Variants in ADAMTS12 observed in about 807,000 individuals in gnomAD.
The protein encoded by ADAMTS12 is ADAM metallopeptidase with thrombospondin type 1 motif 12, also known as A disintegrin and metalloproteinase with thrombospondin motifs 12.
Under a neutral mutation model 167.8 loss-of-function variants are expected in ADAMTS12, and 118 were observed. The observed-to-expected ratio is 0.70, with a 90% CI of 0.61 to 0.82. The LOEUF (loss-of-function observed/expected upper bound fraction) is 0.82. ADAMTS12 is among the 40% of genes least tolerant of loss of function. ADAMTS12 has a pLI of 0.00. For synonymous variants in ADAMTS12, 704 were observed against 716.9 expected, an observed-to-expected ratio of 0.98 and a Z score of 0.29; for missense variants, 1,916 against 1,998.8, an observed-to-expected ratio of 0.96 and a Z score of 0.79.
chr5:33,689,652 C>A (rs1742479970), intron 3 of ADAMTS12, among the ~76,000 whole-genome samples: 1 of 151,934 alleles, frequency 6.6e-6, no homozygotes, highest in African/African-American at 2.4e-5. Flanking sequence ...AGAGATGGTA[C>A]CAGGAAAAAA....
intron 2 of ADAMTS12, among the ~76,000 whole-genome samples, chr5:33,808,725 G>A (rs1747333214): frequency 6.6e-6 from 1 of 152,086 alleles, no homozygotes; most frequent in Admixed American, 6.6e-5. Context: ...TTTCTTATTA[G>A]GTCAGGGTCA....
chr5:33,774,309 A>G (rs4866385), intron 2 of ADAMTS12, among the ~76,000 whole-genome samples: 110,797 of 152,044 alleles, frequency 0.73, 40,748 homozygotes, highest in Non-Finnish European at 0.78. Context: ...TGAGGGTCCC[A>G]GGAAAGGATC....
At chr5:33,644,973 GC>G (rs1740605909) in intron 9 of ADAMTS12, among the ~76,000 whole-genome samples, 2 of 151,916 alleles carry the variant, frequency 1.3e-5, no homozygotes, top group Admixed American at 1.3e-4. Flanking sequence ...CTCGTGATCT[GC>G]CCACCTTGGC....
In ADAMTS12 at chr5:33,683,048, C is replaced by T; in HGVS notation, c.885G>A (p.Val295=). ...PSIGNAIHIV[V]VRLILLEEEE... ...CTTCTTCGAGTAGAATGAGCCGAAC[C>T]ACAACAATGTGAATTGCATTGCCAA... Residue 295 remains valine (V), a synonymous_variant, in exon 5 of 24, where the codon GTG becomes GTA. Coordinates refer to ENST00000504830, the MANE Select transcript of ADAMTS12 (RefSeq NM_030955.4). The T allele has an allele frequency of 6.2e-7, 1 of 1,613,154 alleles. No homozygotes were observed.
chr5:33,855,429 A>C (rs1270436696), intron 2 of ADAMTS12, among the ~76,000 whole-genome samples: 1 of 152,278 alleles, frequency 6.6e-6, no homozygotes, highest in Non-Finnish European at 1.5e-5. Context: ...CTTGCTGGTT[A>C]GAAGCTGGAA....
intron 3 of ADAMTS12, among the ~76,000 whole-genome samples, chr5:33,690,646 C>G (rs190822904): frequency 4.9e-4 from 74 of 152,174 alleles, no homozygotes; most frequent in African/African-American, 1.7e-3. Context: ...TTTGAAGATC[C>G]TTCCAGAGAG....
intron 2 of ADAMTS12, among the ~76,000 whole-genome samples, chr5:33,832,889 G>A (rs1417059966): frequency 6.6e-6 from 1 of 152,026 alleles, no homozygotes. Flanking sequence ...GAAATCAAAT[G>A]GCCTGAAATC....
chr5:33,532,880 T>A (rs545831353), intron 23 of ADAMTS12, among the ~76,000 whole-genome samples: 1 of 152,318 alleles, frequency 6.6e-6, no homozygotes, highest in Non-Finnish European at 1.5e-5. Context: ...GAATGAATAT[T>A]TTCAAAGAAT....
intron 2 of ADAMTS12, among the ~76,000 whole-genome samples, chr5:33,832,909 A>G (rs1579975144): frequency 6.6e-6 from 1 of 151,966 alleles, no homozygotes; most frequent in Admixed American, 6.5e-5. Flanking sequence ...CAAAAAGTGA[A>G]GGGGAAAAAA....
At chr5:33,646,794 T>C (rs538515615) in intron 9 of ADAMTS12, among the ~76,000 whole-genome samples, 2 of 152,180 alleles carry the variant, frequency 1.3e-5, no homozygotes, top group Non-Finnish European at 2.9e-5. Context: ...CTGAAATTAC[T>C]CAGTATAAAT....
intron 16 of ADAMTS12, among the ~76,000 whole-genome samples, chr5:33,602,960 A>G (rs1179770197): frequency 1.3e-5 from 2 of 152,202 alleles, no homozygotes; most frequent in African/African-American, 2.4e-5. Flanking sequence ...TTTTTGAACA[A>G]AGGGAGAATG....
Position 33,833,095 on chromosome 5 carries a change from A to AT in ADAMTS12, c.489+48023dup, listed in dbSNP as rs150443514. Among the ~76,000 whole-genome samples, 53 of 152,260 alleles carry AT rather than the reference A, an allele frequency of 3.5e-4. No homozygotes were observed. The East Asian group carries it at 0.01, about 29-fold the overall frequency. On this transcript the variant is annotated intron_variant, in intron 2 of 23. Coordinates refer to ENST00000504830, the MANE Select transcript of ADAMTS12 (RefSeq NM_030955.4). ...GCAAAACTTGTGAGTCACTGCTGCC[A>AT]TTTTTTCCTAAGAACACATGGGAAT...
chr5:33,579,205 T>C (rs1280312721), intron 18 of ADAMTS12, among the ~76,000 whole-genome samples: 5 of 152,262 alleles, frequency 3.3e-5, no homozygotes, highest in Non-Finnish European at 7.3e-5. Flanking sequence ...CCTCTCCATT[T>C]ATTACATTCT....
At chr5:33,723,515 G>A (rs1743873979) in intron 3 of ADAMTS12, among the ~76,000 whole-genome samples, 1 of 152,146 alleles carries the variant, frequency 6.6e-6, no homozygotes, top group African/African-American at 2.4e-5. Flanking sequence ...CAGGGTAGGG[G>A]AGAAACACAA....
chr5:33,651,557 C>T (rs187361869), intron 7 of ADAMTS12, among the ~76,000 whole-genome samples: 10 of 152,214 alleles, frequency 6.6e-5, no homozygotes, highest in Admixed American at 5.2e-4. Flanking sequence ...TCGTTGATCT[C>T]GCCAATGTTT....
intron 3 of ADAMTS12, among the ~76,000 whole-genome samples, chr5:33,701,581 A>C (rs900094179): frequency 1.3e-5 from 2 of 152,226 alleles, no homozygotes; most frequent in Admixed American, 6.5e-5. Flanking sequence ...ATTACTGAGA[A>C]GTTCTCTTCA....
intron 16 of ADAMTS12, among the ~76,000 whole-genome samples, chr5:33,602,155 T>C (rs1035506): frequency 0.6 from 91,939 of 151,974 alleles, 28,406 homozygotes; most frequent in African/African-American, 0.74. Flanking sequence ...TCCAGGCAAC[T>C]GCATTATTAA....
At chr5:33,673,356 G>GT (rs746972222) in intron 5 of ADAMTS12, among the ~76,000 whole-genome samples, 3 of 152,058 alleles carry the variant, frequency 2.0e-5, no homozygotes, top group Non-Finnish European at 2.9e-5. Context: ...ACCTCCACAG[G>GT]TACTTTCAAC....
intron 2 of ADAMTS12, among the ~76,000 whole-genome samples, chr5:33,755,708 T>A (rs1745143614): frequency 6.6e-6 from 1 of 152,168 alleles, no homozygotes; most frequent in Non-Finnish European, 1.5e-5. Context: ...AATGATAGTG[T>A]AAAAGACACA....
Sources: allele counts gnomAD v4.1 joint callset (sites outside exome capture counted in the v4.1 genomes callset), GRCh38; gene constraint gnomAD v4.1.1; transcripts MANE v1.5; gene names NCBI Gene and HGNC (gene_info 2026-07-23, HGNC 2026-07-21).